The following GALNTL6 variants were observed in gnomAD, a reference collection of about 807,000 sequenced individuals.
GALNTL6 encodes polypeptide N-acetylgalactosaminyltransferase like 6.
In GALNTL6, 46 loss-of-function variants were observed where a neutral mutation model predicts 73.7. The observed-to-expected ratio is 0.62, with a 90% CI of 0.49 to 0.80. The LOEUF is 0.80. Among genes scored for constraint, GALNTL6 ranks in the 30% least tolerant of loss-of-function variants. The pLI is 0.00. For synonymous variants in GALNTL6, 259 were observed against 263.7 expected (o/e 0.98, Z 0.17); for missense variants, 604 against 755.0 (o/e 0.80, Z 2.34).
intron 10 of GALNTL6, among the ~76,000 whole-genome samples, chr4:172,960,676 C>T (rs887000091): frequency 1.3e-5 from 2 of 152,004 alleles, no homozygotes; most frequent in Admixed American, 6.6e-5. Context: ...GCCCATTTTA[C>T]GACAAGAATT....
chr4:172,548,702 T>C lies in GALNTL6; in HGVS notation c.553+200013T>C, dbSNP rs182734152. 2.3e-3 allele frequency among the ~76,000 whole-genome samples: 357 copies of C among 152,300 alleles called. 3 individuals are homozygous for C. The highest frequency in any genetic ancestry group is 8.1e-3 in the African/African-American group (338 of 41,576). On this transcript the variant is annotated intron_variant, in intron 5 of 12. Coordinates refer to ENST00000506823, the MANE Select transcript of GALNTL6 (RefSeq NM_001034845.3). ...AGCTAAGACAACACAGTAGAACAAA[T>C]GTAAAGAGCAACTAATTAGATCTTA...
At chr4:172,081,929 T>C (rs895039894) in intron 2 of GALNTL6, among the ~76,000 whole-genome samples, 1 of 151,248 alleles carries the variant, frequency 6.6e-6, no homozygotes, top group African/African-American at 2.4e-5. Flanking sequence ...GAGGCTAGAG[T>C]GCAATGGCTC....
chr4:172,841,166 A>C (rs747527974), intron 7 of GALNTL6, among the ~76,000 whole-genome samples: 3 of 152,194 alleles, frequency 2.0e-5, no homozygotes, highest in Non-Finnish European at 4.4e-5. Flanking sequence ...GCTTTCTTGC[A>C]TTTCCATGAA....
At chr4:172,465,655 AC>A (rs1732786157) in intron 5 of GALNTL6, among the ~76,000 whole-genome samples, 1 of 152,132 alleles carries the variant, frequency 6.6e-6, no homozygotes, top group Non-Finnish European at 1.5e-5. Flanking sequence ...CCACCCAACT[AC>A]CTAACATATA....
chr4:172,295,888 G>A (rs1739654395), intron 3 of GALNTL6, among the ~76,000 whole-genome samples: 1 of 151,742 alleles, frequency 6.6e-6, no homozygotes, highest in African/African-American at 2.4e-5. Flanking sequence ...AGGAAGTTTT[G>A]TATACACTCG....
intron 2 of GALNTL6, among the ~76,000 whole-genome samples, chr4:172,126,130 A>G (rs12505392): frequency 0.44 from 66,941 of 151,892 alleles, 15,368 homozygotes; most frequent in African/African-American, 0.55. Context: ...ATAATTTTTT[A>G]GAAACATGCT....
At chr4:172,840,363 C>T (rs1200527773) in intron 7 of GALNTL6, among the ~76,000 whole-genome samples, 1 of 152,206 alleles carries the variant, frequency 6.6e-6, no homozygotes, top group Non-Finnish European at 1.5e-5. Context: ...GGCCCTTATT[C>T]TCAGTCTCAA....
chr4:172,566,794 A>G (rs1736570492), intron 5 of GALNTL6, among the ~76,000 whole-genome samples: 1 of 152,086 alleles, frequency 6.6e-6, no homozygotes, highest in Admixed American at 6.5e-5. Context: ...ACTAGGAAAA[A>G]AAAAGATTCA....
chr4:173,015,575 C>A (rs1275691308), intron 11 of GALNTL6, among the ~76,000 whole-genome samples: 2 of 152,086 alleles, frequency 1.3e-5, no homozygotes, highest in Non-Finnish European at 2.9e-5. Flanking sequence ...TCTTGTTATG[C>A]AAAGAGACTG....
chr4:172,860,551 G>A (rs1488701908), intron 7 of GALNTL6, among the ~76,000 whole-genome samples: 1 of 152,110 alleles, frequency 6.6e-6, no homozygotes, highest in Admixed American at 6.5e-5. Flanking sequence ...GAACATCTGA[G>A]TCTTAGATAC....
At chr4:172,810,983 GA>G (rs561552596) in intron 6 of GALNTL6, among the ~76,000 whole-genome samples, 17 of 149,528 alleles carry the variant, frequency 1.1e-4, no homozygotes, top group Non-Finnish European at 7.4e-5. Flanking sequence ...GAAGAAGATA[GA>G]AAAAAAAAGA....
intron 5 of GALNTL6, among the ~76,000 whole-genome samples, chr4:172,623,318 A>G (rs551482530): frequency 6.6e-6 from 1 of 152,264 alleles, no homozygotes; most frequent in Admixed American, 6.5e-5. Flanking sequence ...TTATAGAACT[A>G]TGTGCTCTTT....
At chr4:172,723,706 A>G (rs1258239849) in intron 5 of GALNTL6, among the ~76,000 whole-genome samples, 4 of 152,150 alleles carry the variant, frequency 2.6e-5, no homozygotes, top group Admixed American at 1.3e-4. Context: ...CCAAGTAACA[A>G]TCAATTAAGT....
chr4:172,801,792 T>A (rs1259397747), intron 5 of GALNTL6, among the ~76,000 whole-genome samples: 3 of 152,100 alleles, frequency 2.0e-5, no homozygotes, highest in African/African-American at 7.2e-5. Flanking sequence ...ACAACAGGGG[T>A]TTGAACTGTG....
chr4:172,131,062 A>T (rs1414091725), intron 2 of GALNTL6, among the ~76,000 whole-genome samples: 2 of 152,042 alleles, frequency 1.3e-5, no homozygotes, highest in East Asian at 1.9e-4. Flanking sequence ...AGCCAATCCT[A>T]AAAGTGTTCT....
At chr4:172,691,248 A>G (rs1248382295) in intron 5 of GALNTL6, among the ~76,000 whole-genome samples, 3 of 152,220 alleles carry the variant, frequency 2.0e-5, no homozygotes, top group Non-Finnish European at 2.9e-5. Context: ...GCAAGAAAAC[A>G]TGAATATCTG....
intron 4 of GALNTL6, among the ~76,000 whole-genome samples, chr4:172,336,425 C>G (rs1490718933): frequency 6.6e-6 from 1 of 150,398 alleles, no homozygotes; most frequent in Non-Finnish European, 1.5e-5. Flanking sequence ...GCACATGCCA[C>G]CATGCCCAGC....
At chr4:172,850,412 G>A (rs182635943) in intron 7 of GALNTL6, among the ~76,000 whole-genome samples, 27 of 152,234 alleles carry the variant, frequency 1.8e-4, no homozygotes, top group South Asian at 1.0e-3. Context: ...AATATATAGG[G>A]TAATAACTTT....
At chr4:171,945,027 T>C (rs1738661307) in intron 2 of GALNTL6, among the ~76,000 whole-genome samples, 1 of 152,160 alleles carries the variant, frequency 6.6e-6, no homozygotes, top group South Asian at 2.1e-4. Context: ...GAATCAAAAG[T>C]CATACCTAGG....
Sources: gnomAD v4.1 joint callset for allele counts (sites outside exome capture counted in the v4.1 genomes callset) on GRCh38, gnomAD v4.1.1 for gene constraint, MANE v1.5 for transcripts, NCBI Gene and HGNC (gene_info 2026-07-23, HGNC 2026-07-21) for gene names.